UVRAG: variants seen among roughly 807,000 people sequenced by gnomAD.
UVRAG encodes UV radiation resistance associated.
UVRAG carries 19 observed loss-of-function variants against 78.0 expected under a neutral mutation model. That is an observed-to-expected ratio of 0.24 (90% CI 0.17 to 0.36). The LOEUF (loss-of-function observed/expected upper bound fraction) is 0.36, where lower values mean the gene tolerates loss of function less well. UVRAG is among the 10% of genes least tolerant of loss of function. The pLI, the probability that UVRAG is intolerant of heterozygous loss-of-function variation, is 1.00. For synonymous variants in UVRAG, 323 were observed against 324.6 expected (o/e 1.00, Z 0.05); for missense variants, 740 against 853.8 (o/e 0.87, Z 1.66).
intron 8 of UVRAG, among the ~76,000 whole-genome samples, chr11:76,000,461 C>T (rs957504359): frequency 2.6e-5 from 4 of 151,692 alleles, no homozygotes; most frequent in African/African-American, 9.7e-5. Context: ...CTTAAAAATT[C>T]ACCAGGCATG....
chr11:75,949,774 CAT>C (rs550223090), intron 6 of UVRAG, among the ~76,000 whole-genome samples: 1 of 147,606 alleles, frequency 6.8e-6, no homozygotes, highest in Non-Finnish European at 1.5e-5. Flanking sequence ...CATATATACA[CAT>C]ATATATACAC....
chr11:75,852,969 GGC>G lies in UVRAG; in HGVS notation c.235+970_235+971del, dbSNP rs1946189588. Among the ~76,000 whole-genome samples, 2 of 152,104 alleles carry G rather than the reference GGC, an allele frequency of 1.3e-5. 1 individual carries two copies. The highest frequency in any genetic ancestry group is 1.3e-4 in the Admixed American group (2 of 15,260). ...CCTGTCAGCCAGGCTAGAGTACAGT[GGC>G]ACAATCATGGCTCACTGCAGCTTTG... is the stretch of plus-strand genomic sequence containing the variant. On this transcript the variant is annotated intron_variant, in intron 2 of 14. Coordinates refer to ENST00000356136, the MANE Select transcript of UVRAG (RefSeq NM_003369.4).
At chr11:75,988,514 G>A (rs2135290970) in intron 8 of UVRAG, among the ~76,000 whole-genome samples, 1 of 152,250 alleles carries the variant, frequency 6.6e-6, no homozygotes, top group East Asian at 1.9e-4. Flanking sequence ...CCTGTTAATG[G>A]CCATTGGGTT....
chr11:75,957,110 T>A (rs1429934658), intron 6 of UVRAG, among the ~76,000 whole-genome samples: 1 of 152,142 alleles, frequency 6.6e-6, no homozygotes, highest in Non-Finnish European at 1.5e-5. Flanking sequence ...GATTAATTCT[T>A]TTTATGTCTT....
Position 76,025,757 on chromosome 11 carries a change from C to T in UVRAG, c.1226+8777C>T, listed in dbSNP as rs926816207. 4.3e-4 allele frequency among the ~76,000 whole-genome samples: 65 copies of T among 152,008 alleles called. 1 individual carries two copies. Among genetic ancestry groups the T allele is most frequent in the Non-Finnish European group, 4.1e-4 (28 of 67,996 alleles). On this transcript the variant is annotated intron_variant, in intron 12 of 14. Coordinates refer to ENST00000356136, the MANE Select transcript of UVRAG (RefSeq NM_003369.4). Reference sequence around the variant, plus strand: ...GTGTTCAAAATCAGATAATATTGGGCCAAGATCATAGTCATTGCATGTGGA... The same window carrying T: ...GTGTTCAAAATCAGATAATATTGGGTCAAGATCATAGTCATTGCATGTGGA...
intron 7 of UVRAG, among the ~76,000 whole-genome samples, chr11:75,972,455 C>A (rs1195286044): frequency 6.6e-6 from 1 of 152,144 alleles, no homozygotes; most frequent in East Asian, 1.9e-4. Context: ...TTTCTTCCTT[C>A]TTTCCTTTCT....
chr11:75,865,287 CAAAA>C (rs1195072746), intron 3 of UVRAG, among the ~76,000 whole-genome samples: 7 of 45,736 alleles, frequency 1.5e-4, no homozygotes, highest in Admixed American at 9.2e-4. Flanking sequence ...AACTCCATCT[CAAAA>C]AAAAAAAAAA....
intron 13 of UVRAG, among the ~76,000 whole-genome samples, chr11:76,085,168 T>C (rs760380698): frequency 9.9e-5 from 15 of 152,034 alleles, no homozygotes; most frequent in African/African-American, 3.4e-4. Flanking sequence ...TCATTTATTA[T>C]ATCCTTTTGA....
At chr11:76,034,453 C>T (rs1950493422) in intron 12 of UVRAG, among the ~76,000 whole-genome samples, 1 of 152,180 alleles carries the variant, frequency 6.6e-6, no homozygotes, top group Admixed American at 6.5e-5. Context: ...CCCGCCTTGG[C>T]CTCCCAAAGT....
intron 7 of UVRAG, among the ~76,000 whole-genome samples, chr11:75,974,729 A>AT (rs1292866021): frequency 1.0e-4 from 15 of 149,546 alleles, no homozygotes; most frequent in Non-Finnish European, 1.8e-4. Flanking sequence ...GGGTTGTTTG[A>AT]TTTTTTCTTG....
At chr11:75,925,275 C>G (rs1948074016) in intron 6 of UVRAG, among the ~76,000 whole-genome samples, 1 of 152,168 alleles carries the variant, frequency 6.6e-6, no homozygotes, top group African/African-American at 2.4e-5. Context: ...TAAAACCTAC[C>G]CCACCCATAA....
At chr11:75,871,721 T>G (rs1271101806) in intron 3 of UVRAG, among the ~76,000 whole-genome samples, 2 of 152,222 alleles carry the variant, frequency 1.3e-5, no homozygotes, top group Non-Finnish European at 2.9e-5. Context: ...GAAGTGGAAT[T>G]AAGTGCTGGG....
chr11:75,884,240 T>TTCTCTCTCTCTCTCTCTC (rs767650431), intron 4 of UVRAG, among the ~76,000 whole-genome samples: 16 of 132,560 alleles, frequency 1.2e-4, no homozygotes, highest in African/African-American at 4.5e-4. Context: ...CTCTCTCTCT[T>TTCTCTCTCTCTCTCTCTC]TCTCTCTCTC....
intron 6 of UVRAG, among the ~76,000 whole-genome samples, chr11:75,948,136 A>G (rs1266312155): frequency 6.6e-6 from 1 of 152,164 alleles, no homozygotes; most frequent in African/African-American, 2.4e-5. Context: ...ATTTGGTGCT[A>G]GTACATGGTG....
At chr11:76,112,116 G>A (rs1186055219) in intron 13 of UVRAG, among the ~76,000 whole-genome samples, 1 of 152,064 alleles carries the variant, frequency 6.6e-6, no homozygotes. Flanking sequence ...AATGATGAAT[G>A]AAAGACCGAA....
intron 13 of UVRAG, among the ~76,000 whole-genome samples, chr11:76,080,653 T>C (rs1189806538): frequency 1.3e-5 from 2 of 152,220 alleles, no homozygotes; most frequent in Admixed American, 1.3e-4. Context: ...GTTCAAATTA[T>C]AGAATATTCC....
chr11:76,119,105 A>G (rs562840408), intron 14 of UVRAG, among the ~76,000 whole-genome samples: 1 of 152,220 alleles, frequency 6.6e-6, no homozygotes, highest in East Asian at 1.9e-4. Context: ...AATTCCTTTT[A>G]TCTAGCTTGG....
chr11:75,853,688 C>T (rs1252507076), intron 2 of UVRAG, among the ~76,000 whole-genome samples: 1 of 151,726 alleles, frequency 6.6e-6, no homozygotes, highest in South Asian at 2.1e-4. Flanking sequence ...CTCTAAATTC[C>T]ACTATCCTCA....
intron 13 of UVRAG, among the ~76,000 whole-genome samples, chr11:76,112,244 G>A (rs1050757798): frequency 4.6e-5 from 7 of 152,116 alleles, no homozygotes; most frequent in Admixed American, 4.6e-4. Context: ...ATGTTAACGG[G>A]TTTCTCAGTC....
Sources: gnomAD v4.1 joint callset for allele counts (sites outside exome capture counted in the v4.1 genomes callset) on GRCh38, gnomAD v4.1.1 for gene constraint, MANE v1.5 for transcripts, NCBI Gene and HGNC (gene_info 2026-07-23, HGNC 2026-07-21) for gene names.